ARHGEF18: variants seen among roughly 807,000 people sequenced by gnomAD.
The protein encoded by ARHGEF18 is Rho/Rac guanine nucleotide exchange factor 18.
Under a neutral mutation model 155.7 loss-of-function variants are expected in ARHGEF18, and 93 were observed. That is an observed-to-expected ratio of 0.60 (90% confidence interval 0.50 to 0.71). The LOEUF (loss-of-function observed/expected upper bound fraction) is 0.71. ARHGEF18 is among the 30% of genes least tolerant of loss of function. The pLI, the probability that ARHGEF18 is intolerant of heterozygous loss-of-function variation, is 0.00. For missense variants in ARHGEF18, 1,593 were observed against 1,816.1 expected, an observed-to-expected ratio of 0.88 and a Z score of 2.23; for synonymous variants, 742 against 753.1, an observed-to-expected ratio of 0.99 and a Z score of 0.24.
rs192631376 is a variant in ARHGEF18 at position 7,464,826 on chromosome 19, G to A, written c.2904+136G>A. On this transcript the variant is annotated intron_variant, in intron 23 of 28. Coordinates refer to ENST00000668164, the MANE Select transcript of ARHGEF18 (RefSeq NM_001367823.1). Reference sequence around the variant, plus strand: ...ATTGTTTGTTTTGTGGTGAATAACAGTATCTCAGCCCAGATTAATGCACTG... The same window carrying A: ...ATTGTTTGTTTTGTGGTGAATAACAATATCTCAGCCCAGATTAATGCACTG... 5 of 1,256,076 alleles carry A rather than the reference G, an allele frequency of 4.0e-6. No homozygotes were observed. In the African/African-American group the frequency reaches 4.5e-5, roughly 11 times the overall value. 77.8% of individuals were successfully genotyped at this position (1,256,076 alleles called of 1,614,324 possible). A position where few individuals can be genotyped will look rare whatever the true frequency, so the allele number is the denominator to read the frequency against.
At position 7,395,207 on chromosome 19, in the gene ARHGEF18, G is replaced by A; in HGVS notation, c.967+12004G>A. On this transcript the variant is annotated intron_variant, in intron 10 of 28. Transcript: ENST00000668164. This position sits in a 1 kb window ranked among gnomAD's most constrained non-coding sequence, Gnocchi z 5.0. ...ATCGGAGGCGGCTGCGAGAGTGGCA[G>A]AGGAGCTGGCGGAGAGCGGCCTGCG... 1.0e-6 allele frequency: 1 copy of A among 986,332 alleles called. No individual in the cohort carries two copies. Among genetic ancestry groups the A allele is most frequent in the Non-Finnish European group, 1.2e-6 (1 of 830,654 alleles). The allele number at this position is 986,332 out of a possible 1,614,324, so 61.1% of individuals were successfully genotyped here.
chr19:7,468,460 T>A (rs1323659532), intron 26 of ARHGEF18, among the ~76,000 whole-genome samples: 1 of 152,056 alleles, frequency 6.6e-6, no homozygotes, highest in Non-Finnish European at 1.5e-5. Context: ...GGCAGGGGGA[T>A]CATTTGAGCC....
Position 7,470,398 on chromosome 19 carries a change from C to A in ARHGEF18, c.*100C>A. 1 of 1,161,996 alleles carries A rather than the reference C, an allele frequency of 8.6e-7. No individual in the cohort carries two copies. Among genetic ancestry groups the A allele is most frequent in the South Asian group, 3.1e-5 (1 of 32,354 alleles). 72.0% of individuals were successfully genotyped at this position (1,161,996 alleles called of 1,614,324 possible). On this transcript the variant is annotated 3_prime_UTR_variant, in exon 29 of 29. Coordinates refer to ENST00000668164, the MANE Select transcript of ARHGEF18 (RefSeq NM_001367823.1). The surrounding 1 kb of genome is among the most constrained non-coding windows in gnomAD (Gnocchi z 5.9). Reference sequence around the variant, plus strand: ...GTCACCATGCCCACCCAGCTGTCCCCTCCTCTTCCCTAGCAAACCACTGAT... The same window carrying A: ...GTCACCATGCCCACCCAGCTGTCCCATCCTCTTCCCTAGCAAACCACTGAT...
chr19:7,423,785 A>G (rs11260076), intron 10 of ARHGEF18, among the ~76,000 whole-genome samples: 80,828 of 151,446 alleles, frequency 0.53, 21,942 homozygotes, highest in Middle Eastern at 0.74. Context: ...TGTTTTGGAA[A>G]AGAAATGTCA....
At chr19:7,446,702 C>CT (rs1975012441) in intron 14 of ARHGEF18, among the ~76,000 whole-genome samples, 1 of 151,274 alleles carries the variant, frequency 6.6e-6, no homozygotes, top group African/African-American at 2.4e-5. Flanking sequence ...GATCACGCCA[C>CT]TGCACTCCAG....
intron 11 of ARHGEF18, among the ~76,000 whole-genome samples, chr19:7,441,387 G>A (rs1048075066): frequency 2.0e-5 from 3 of 151,858 alleles, no homozygotes; most frequent in Non-Finnish European, 4.4e-5. Context: ...GCCATGTTGG[G>A]CGAGCTGGTC....
At chr19:7,475,948 A>T (rs2095790490), downstream of ARHGEF18, among the ~76,000 whole-genome samples, 1 of 152,224 alleles carries the variant, frequency 6.6e-6, no homozygotes, top group Non-Finnish European at 1.5e-5. Context: ...AGTCCTGGGC[A>T]GAAGGAGCCC....
intron 13 of ARHGEF18, among the ~76,000 whole-genome samples, chr19:7,443,637 G>T (rs368926365): frequency 6.6e-6 from 1 of 152,172 alleles, no homozygotes; most frequent in Admixed American, 6.5e-5. Flanking sequence ...TTTGGGGGAC[G>T]CAAACATCTT....
chr19:7,468,857 C>T lies in ARHGEF18; in HGVS notation c.3513C>T (p.Asn1171=), dbSNP rs368993122. 17 of 1,567,024 alleles carry T rather than the reference C, an allele frequency of 1.1e-5. No homozygotes were observed. The highest frequency in any genetic ancestry group is 1.8e-5 in the Admixed American group (1 of 55,072). The part of the protein sequence containing the change: ...AQPPSHPPSF[N]GEGLEGPRVS... ...CCCCAAGCCACCCTCCCAGCTTCAA[C>T]GGGGAAGGGCTGGAGGGCCCTCGTG... Residue 1171 remains asparagine (N), a synonymous_variant, in exon 27 of 29, where the codon AAC becomes AAT. Transcript: ENST00000668164.
intron 10 of ARHGEF18, among the ~76,000 whole-genome samples, chr19:7,408,639 T>C (rs1301265226): frequency 3.3e-5 from 5 of 152,268 alleles, no homozygotes; most frequent in Non-Finnish European, 7.3e-5. Context: ...AGCAGCTCCC[T>C]GAGGGGCCCC....
chr19:7,463,813 C>T lies in ARHGEF18; in HGVS notation c.2636-5C>T. The T allele has an allele frequency of 6.2e-7, 1 of 1,603,962 alleles. No homozygotes were observed. Among genetic ancestry groups the T allele is most frequent in the Middle Eastern group, 1.7e-4 (1 of 5,888 alleles). ...CCCGTGCCTCCTGTCCCCTTCCTTC[C>T]ACAGTCGAGGGCATCCAGAGCCTGA... On this transcript the variant is annotated splice_region_variant and splice_polypyrimidine_tract_variant and intron_variant, in intron 21 of 28. Transcript: ENST00000668164. This position sits in a 1 kb window ranked among gnomAD's most constrained non-coding sequence, Gnocchi z 5.2.
At chr19:7,384,033 G>C (rs1970871938) in intron 10 of ARHGEF18, among the ~76,000 whole-genome samples, 1 of 152,154 alleles carries the variant, frequency 6.6e-6, no homozygotes, top group Non-Finnish European at 1.5e-5. Context: ...CCACGTTGGA[G>C]GGAATGAAGA....
At chr19:7,417,137 T>G (rs1383445761) in intron 10 of ARHGEF18, among the ~76,000 whole-genome samples, 1 of 152,086 alleles carries the variant, frequency 6.6e-6, no homozygotes, top group Admixed American at 6.6e-5. Flanking sequence ...CTCGAACTCC[T>G]GACCTCAAGT....
rs71179104 is a variant in ARHGEF18, at chr19:7,407,961, C to CAAA, written c.967+24782_967+24784dup. 8.4e-4 allele frequency among the ~76,000 whole-genome samples: 41 copies of CAAA among 48,822 alleles called. 4 individuals are homozygous for CAAA. The East Asian group carries it at 0.021, about 25-fold the overall frequency. The allele number at this position is 48,822 out of a possible 152,430, so 32.0% of individuals were successfully genotyped here. A position where few individuals can be genotyped will look rare whatever the true frequency, so the allele number is the denominator to read the frequency against. ...TGGGCAACAGAGCGAGACTCCGTCT[C>CAAA]AAAAAAAAAAAAAAAAAAAAAAAAA... On this transcript the variant is annotated intron_variant, in intron 10 of 28. Transcript: ENST00000668164.
At chr19:7,417,697 A>G (rs1291580154) in intron 10 of ARHGEF18, among the ~76,000 whole-genome samples, 1 of 152,194 alleles carries the variant, frequency 6.6e-6, no homozygotes, top group East Asian at 1.9e-4. Context: ...ACTCGGTCTC[A>G]ATAAAAATAA....
At chr19:7,374,980 T>C (rs116266850) in intron 3 of ARHGEF18, among the ~76,000 whole-genome samples, 2,261 of 151,782 alleles carry the variant, frequency 0.015, 62 homozygotes, top group African/African-American at 0.053. Flanking sequence ...TCATCCCACA[T>C]AGAAATTCAG....
intron 5 of ARHGEF18, among the ~76,000 whole-genome samples, chr19:7,377,348 G>A (rs1008788443): frequency 2.0e-5 from 3 of 152,064 alleles, no homozygotes; most frequent in Admixed American, 2.0e-4. Context: ...TGAGATTACA[G>A]GCATGAACCA....
intron 8 of ARHGEF18, 77 bp downstream of exon 8, chr19:7,381,071 AC>A (rs200005485): frequency 3.6e-6 from 4 of 1,122,826 alleles, no homozygotes; most frequent in Non-Finnish European, 4.5e-6. Context: ...TTTGGGCCAG[AC>A]CCCCCATGCT....
rs1379367305 is a variant in ARHGEF18 at position 7,433,175 on chromosome 19, AAAG to A, written c.968-7165_968-7163del. Among the ~76,000 whole-genome samples the A allele has an allele frequency of 4.0e-5, 6 of 151,672 alleles. No homozygotes were observed. In the East Asian group the frequency reaches 7.8e-4, roughly 20 times the overall value. On this transcript the variant is annotated intron_variant, in intron 10 of 28. Transcript: ENST00000668164. ...GAATGTGTCTCTCTTTAAAAAAAAA[AAAG>A]AAGGCAGGCCGGGCACGGTGGCTCA...
Sources: gnomAD v4.1 joint callset for allele counts (sites outside exome capture counted in the v4.1 genomes callset) on GRCh38, gnomAD v4.1.1 for gene constraint, Gnocchi (gnomAD v3.1) non-coding constraint, MANE v1.5 for transcripts, NCBI Gene and HGNC (gene_info 2026-07-23, HGNC 2026-07-21) for gene names.